Variants in GRM1 observed in about 807,000 individuals in gnomAD.
GRM1 encodes glutamate metabotropic receptor 1, also known as metabotropic glutamate receptor 1.
In GRM1, 33 loss-of-function variants were observed where a neutral mutation model predicts 90.9. That is an observed-to-expected ratio of 0.36 (90% CI 0.28 to 0.49). The LOEUF (loss-of-function observed/expected upper bound fraction) is 0.49. GRM1 is among the 20% of genes least tolerant of loss of function. The pLI is 0.99. For synonymous variants in GRM1, 700 were observed against 613.2 expected (o/e 1.14, Z -2.09); for missense variants, 1,190 against 1,534.3 (o/e 0.78, Z 3.75).
intron 2 of GRM1, among the ~76,000 whole-genome samples, chr6:146,278,086 A>G (rs950246083): frequency 1.2e-4 from 19 of 152,098 alleles, no homozygotes; most frequent in Non-Finnish European, 5.9e-5. Context: ...AAGTGATTAT[A>G]TTTTTTCTCT....
chr6:146,287,768 G>GA (rs1562583622), intron 2 of GRM1, among the ~76,000 whole-genome samples: 1 of 152,178 alleles, frequency 6.6e-6, no homozygotes, highest in Non-Finnish European at 1.5e-5. Flanking sequence ...TTCTGGTTTT[G>GA]AAAAGGGAAA....
chr6:146,392,740 A>G (rs879991889), intron 6 of GRM1, among the ~76,000 whole-genome samples: 1 of 151,926 alleles, frequency 6.6e-6, no homozygotes, highest in Non-Finnish European at 1.5e-5. Flanking sequence ...CTATGCCCAT[A>G]TGTTCTCATT....
chr6:146,200,632 C>T (rs376879315), intron 2 of GRM1, among the ~76,000 whole-genome samples: 2 of 151,990 alleles, frequency 1.3e-5, no homozygotes, highest in African/African-American at 4.8e-5. Flanking sequence ...CTTCTGGGAC[C>T]CCCTGTGATA....
intron 2 of GRM1, among the ~76,000 whole-genome samples, chr6:146,257,686 G>A (rs1436646873): frequency 6.6e-6 from 1 of 152,062 alleles, no homozygotes; most frequent in South Asian, 2.1e-4. Context: ...ACCAGATGAG[G>A]GCAGGAGAAG....
intron 3 of GRM1, among the ~76,000 whole-genome samples, chr6:146,332,574 C>T (rs1047047557): frequency 2.6e-5 from 4 of 152,196 alleles, no homozygotes; most frequent in Admixed American, 2.6e-4. Context: ...AAAGTTCTCA[C>T]TTTAATGGCC....
chr6:146,076,341 C>T (rs748570693), intron 1 of GRM1, among the ~76,000 whole-genome samples: 1 of 152,038 alleles, frequency 6.6e-6, no homozygotes, highest in Non-Finnish European at 1.5e-5. Context: ...CTCTGTCAGC[C>T]GTGTTGAGAA....
chr6:146,151,582 C>T (rs1457065736), intron 1 of GRM1, among the ~76,000 whole-genome samples: 2 of 152,192 alleles, frequency 1.3e-5, no homozygotes. Flanking sequence ...GCAACACAAT[C>T]TGTTTCATGG....
intron 2 of GRM1, among the ~76,000 whole-genome samples, chr6:146,215,025 G>A (rs1436417225): frequency 6.6e-6 from 1 of 152,218 alleles, no homozygotes; most frequent in South Asian, 2.1e-4. Flanking sequence ...AATGGAGCTG[G>A]ACTAAAATAG....
chr6:146,295,745 C>A (rs2114899712), intron 2 of GRM1, among the ~76,000 whole-genome samples: 1 of 152,076 alleles, frequency 6.6e-6, no homozygotes, highest in African/African-American at 2.4e-5. Flanking sequence ...TTTTAAAAAA[C>A]TTTAGGTTCG....
Position 146,357,537 on chromosome 6 carries a change from T to C in GRM1, c.1445T>C (p.Met482Thr). 6.2e-7 allele frequency: 1 copy of C among 1,612,982 alleles called. No homozygotes were observed. The highest frequency in any genetic ancestry group is 1.6e-4 in the Middle Eastern group (1 of 6,062). Residue 482 changes from methionine (M) to threonine (T), a missense_variant, in exon 5 of 8, where the codon ATG becomes ACG. Met to Thr is a moderately conservative substitution (Grantham distance 81). This residue lies in a region of GRM1 where 414 missense variants were observed against 598.4 expected (regional missense o/e 0.69). Transcript: ENST00000282753. Reference sequence around the variant, plus strand: ...TGTGCTCTTTGTAGGTATGATATCATGAATCTGCAGTACACTGAAGCTAAT... The same window carrying C: ...TGTGCTCTTTGTAGGTATGATATCACGAATCTGCAGTACACTGAAGCTAAT... ...KGDAPGRYDIMNLQYTEANRY... is the reference protein window; with the variant it reads ...KGDAPGRYDITNLQYTEANRY...
At chr6:146,185,073 C>T (rs886891724) in intron 2 of GRM1, among the ~76,000 whole-genome samples, 1 of 152,298 alleles carries the variant, frequency 6.6e-6, no homozygotes, top group East Asian at 1.9e-4. Context: ...AATACATTAA[C>T]CTCTTTAAAA....
At chr6:146,335,634 A>G (rs956564694) in intron 3 of GRM1, among the ~76,000 whole-genome samples, 3 of 152,078 alleles carry the variant, frequency 2.0e-5, no homozygotes, top group African/African-American at 7.2e-5. Flanking sequence ...ATCATTTTTA[A>G]TCTTTAAAGT....
chr6:146,283,196 G>A (rs925682299), intron 2 of GRM1, among the ~76,000 whole-genome samples: 3 of 152,098 alleles, frequency 2.0e-5, no homozygotes, highest in Non-Finnish European at 2.9e-5. Flanking sequence ...TAAATCAGCC[G>A]AACCCCTGCC....
At chr6:146,236,555 G>T (rs932625930) in intron 2 of GRM1, among the ~76,000 whole-genome samples, 3 of 152,130 alleles carry the variant, frequency 2.0e-5, no homozygotes, top group Non-Finnish European at 4.4e-5. Context: ...CACTTTGTCT[G>T]CATCTCAGGG....
intron 1 of GRM1, among the ~76,000 whole-genome samples, chr6:146,098,738 C>T (rs1343535607): frequency 6.6e-6 from 1 of 151,972 alleles, no homozygotes; most frequent in Non-Finnish European, 1.5e-5. Context: ...TGGCTACACT[C>T]ATGCTGTTCT....
rs189213207 is a variant in GRM1 at position 146,197,298 on chromosome 6, C to T, written c.950+37701C>T. 9.5e-4 allele frequency among the ~76,000 whole-genome samples: 144 copies of T among 152,290 alleles called. 1 individual carries two copies. The highest frequency in any genetic ancestry group is 3.7e-3 in the East Asian group (19 of 5,184). ...GATCCAAGGTGAAATGTTTTCAAAA[C>T]TTGAGATTAGACAAAATTAAACAAG... On this transcript the variant is annotated intron_variant, in intron 2 of 7. Transcript: ENST00000282753.
intron 1 of GRM1, among the ~76,000 whole-genome samples, chr6:146,055,612 TG>T (rs1775456845): frequency 6.6e-6 from 1 of 152,092 alleles, no homozygotes; most frequent in South Asian, 2.1e-4. Context: ...TTTGTGTTTG[TG>T]GGAACAGAAT....
Position 146,354,752 on chromosome 6 carries a change from A to G in GRM1, c.1433+2256A>G, listed in dbSNP as rs1264483018. Among the ~76,000 whole-genome samples the G allele has an allele frequency of 2.0e-5, 3 of 152,170 alleles. No individual in the cohort carries two copies. In the East Asian group the frequency reaches 5.8e-4, roughly 29 times the overall value. On this transcript the variant is annotated intron_variant, in intron 4 of 7. Coordinates refer to ENST00000282753, the MANE Select transcript of GRM1 (RefSeq NM_001278064.2). Reference sequence around the variant, plus strand: ...TGAATGCATTGAGAGGATGTTGTAAATATGTAATTTATAGCATAAAAATTC... The same window carrying G: ...TGAATGCATTGAGAGGATGTTGTAAGTATGTAATTTATAGCATAAAAATTC...
chr6:146,089,717 A>G (rs1776654773), intron 1 of GRM1, among the ~76,000 whole-genome samples: 1 of 152,130 alleles, frequency 6.6e-6, no homozygotes, highest in African/African-American at 2.4e-5. Flanking sequence ...AAGAAGCTCT[A>G]ATGATTCACA....
Sources: allele counts gnomAD v4.1 joint callset (sites outside exome capture counted in the v4.1 genomes callset), GRCh38; gene constraint gnomAD v4.1.1; regional missense constraint gnomAD v4.1.1; transcripts MANE v1.5; gene names NCBI Gene and HGNC (gene_info 2026-07-23, HGNC 2026-07-21).